FRY: variants seen among roughly 807,000 people sequenced by gnomAD.
FRY encodes the protein FRY microtubule binding protein.
Under a neutral mutation model 348.4 loss-of-function variants are expected in FRY, and 128 were observed. That is an observed-to-expected ratio of 0.37 (90% CI 0.32 to 0.43). The LOEUF is 0.43. Ranked by LOEUF, FRY falls within the 20% of genes least tolerant of loss-of-function variation. The pLI is 1.00. For missense variants in FRY, 2,736 were observed against 3,695.2 expected, an observed-to-expected ratio of 0.74 and a Z score of 6.73; for synonymous variants, 1,370 against 1,374.7, an observed-to-expected ratio of 1.00 and a Z score of 0.08.
intron 41 of FRY, among the ~76,000 whole-genome samples, chr13:32,231,849 G>T (rs1885933426): frequency 6.6e-6 from 1 of 152,172 alleles, no homozygotes; most frequent in Non-Finnish European, 1.5e-5. Flanking sequence ...GGGCTGATTT[G>T]TGTGTGAAAC....
chr13:32,091,149 G>T (rs1294972074), intron 2 of FRY, among the ~76,000 whole-genome samples: 1 of 152,098 alleles, frequency 6.6e-6, no homozygotes, highest in Non-Finnish European at 1.5e-5. Flanking sequence ...GGAATAAAAG[G>T]GGAGAAGTTT....
At chr13:32,091,649 A>G (rs1334781064) in intron 2 of FRY, among the ~76,000 whole-genome samples, 1 of 152,226 alleles carries the variant, frequency 6.6e-6, no homozygotes, top group African/African-American at 2.4e-5. Flanking sequence ...ACATGGGGTG[A>G]GGAAGCTCAC....
intron 20 of FRY, among the ~76,000 whole-genome samples, chr13:32,177,727 A>T (rs899280979): frequency 2.2e-4 from 33 of 152,218 alleles, no homozygotes; most frequent in African/African-American, 7.2e-4. Context: ...TTTCAGTGTA[A>T]GGAAAGATAG....
rs2138624396 is a variant in FRY at position 32,282,684 on chromosome 13, A to C, written c.8469+4136A>C. Among the ~76,000 whole-genome samples, 3 of 152,324 alleles carry C rather than the reference A, an allele frequency of 2.0e-5. No individual in the cohort carries two copies. The South Asian group carries it at 6.2e-4, about 32-fold the overall frequency. On this transcript the variant is annotated intron_variant, in intron 58 of 60. Coordinates refer to ENST00000542859, the MANE Select transcript of FRY (RefSeq NM_023037.3). ...AATATATATCTTTGTTGGGTGCTGA[A>C]TATTTATTTTTCTAGTTTTTCTTCT...
At chr13:32,161,105 C>A (rs373382353) in intron 16 of FRY, 39 bp from the exon 17 acceptor site, 27 of 1,277,262 alleles carry the variant, frequency 2.1e-5, no homozygotes, top group Middle Eastern at 1.8e-4. Context: ...ATTTTCACAG[C>A]TTTTTGACCT....
intron 51 of FRY, among the ~76,000 whole-genome samples, chr13:32,256,963 T>C (rs1367808921): frequency 1.3e-5 from 2 of 152,204 alleles, no homozygotes; most frequent in African/African-American, 4.8e-5. Context: ...GTCAAAACTT[T>C]GTTTCATGCA....
At chr13:32,267,405 A>G in intron 55 of FRY, 46 bp downstream of exon 55, 1 of 1,534,608 alleles carries the variant, frequency 6.5e-7, no homozygotes, top group African/African-American at 1.4e-5. Flanking sequence ...TTCTAAGGGG[A>G]GCCGGGTAAC....
intron 59 of FRY, among the ~76,000 whole-genome samples, chr13:32,291,483 G>T (rs190731159): frequency 6.7e-6 from 1 of 149,084 alleles, no homozygotes; most frequent in South Asian, 2.1e-4. Context: ...TCAGCTTACC[G>T]CAACCTCCGC....
Position 32,228,446 on chromosome 13 carries a change from C to T in FRY, c.5207-10C>T, listed in dbSNP as rs1168555315. ...TAGTACATCCCTCCTTGACCTTCTT[C>T]TCCCACCAGGTGGCTTTGACTTCCT... On this transcript the variant is annotated splice_polypyrimidine_tract_variant and intron_variant, in intron 39 of 60. Transcript: ENST00000542859. The T allele has an allele frequency of 1.2e-6, 2 of 1,609,248 alleles. No homozygotes were observed. Among genetic ancestry groups the T allele is most frequent in the South Asian group, 2.2e-5 (2 of 90,926 alleles).
chr13:32,124,586 C>T lies in FRY; in HGVS notation c.556-16C>T, dbSNP rs767502745. ...TAATATTCCCTTCTGAGTTAAGAAC[C>T]ACCTTTTTTTTTCAGATTCCACTTC... is the stretch of plus-strand genomic sequence containing the variant. On this transcript the variant is annotated splice_polypyrimidine_tract_variant and intron_variant, in intron 5 of 60. Coordinates refer to ENST00000542859, the MANE Select transcript of FRY (RefSeq NM_023037.3). 6.6e-7 allele frequency: 1 copy of T among 1,506,012 alleles called. No homozygotes were observed. Among genetic ancestry groups the T allele is most frequent in the Admixed American group, 1.7e-5 (1 of 59,848 alleles). The allele number at this position is 1,506,012 out of a possible 1,614,324, so 93.3% of individuals were successfully genotyped here. A position where few individuals can be genotyped will look rare whatever the true frequency, so the allele number is the denominator to read the frequency against.
chr13:32,069,642 A>G (rs1353445488), intron 1 of FRY, among the ~76,000 whole-genome samples: 1 of 152,220 alleles, frequency 6.6e-6, no homozygotes, highest in Non-Finnish European at 1.5e-5. Flanking sequence ...ATGCAACAAC[A>G]CAGATGAACT....
intron 1 of FRY, among the ~76,000 whole-genome samples, chr13:32,043,930 C>T (rs74044323): frequency 6.7e-6 from 1 of 150,312 alleles, no homozygotes; most frequent in Non-Finnish European, 1.5e-5. Flanking sequence ...CACAGTGGCT[C>T]ACACCTGTAA....
intron 36 of FRY, among the ~76,000 whole-genome samples, chr13:32,223,906 T>C (rs1298428996): frequency 6.6e-6 from 1 of 151,990 alleles, no homozygotes; most frequent in Non-Finnish European, 1.5e-5. Context: ...TTTGTGTGTG[T>C]GTGTATTTTT....
intron 1 of FRY, among the ~76,000 whole-genome samples, chr13:32,033,777 T>C (rs1373554233): frequency 6.6e-6 from 1 of 152,228 alleles, no homozygotes. Context: ...CTTTCCAGCA[T>C]TCTTTTGAGG....
chr13:32,285,073 C>T (rs9590882), intron 58 of FRY, among the ~76,000 whole-genome samples: 5,691 of 152,118 alleles, frequency 0.037, 281 homozygotes, highest in African/African-American at 0.12. Flanking sequence ...ATAAATCAAG[C>T]CATATCAGGA....
At chr13:32,140,465 G>A (rs1034614012) in intron 11 of FRY, among the ~76,000 whole-genome samples, 1 of 152,112 alleles carries the variant, frequency 6.6e-6, no homozygotes, top group Non-Finnish European at 1.5e-5. Context: ...TTCTTTATAA[G>A]TAGTCTACCA....
intron 29 of FRY, among the ~76,000 whole-genome samples, 182 bp from the exon 30 acceptor site, chr13:32,201,759 T>C (rs1884042793): frequency 6.6e-6 from 1 of 152,208 alleles, no homozygotes; most frequent in Non-Finnish European, 1.5e-5. Flanking sequence ...CAAAATAAAG[T>C]CATTTTCCTT....
Position 32,276,490 on chromosome 13 carries a change from G to A in FRY, c.8313G>A (p.Lys2771=). The change falls in exon 57 of 61, where the codon AAG becomes AAA. Residue 2771 remains lysine (K), a synonymous_variant. Coordinates refer to ENST00000542859, the MANE Select transcript of FRY (RefSeq NM_023037.3). ...ETLLSCGLLD[K]LKFSVLELQE... is the part of the protein sequence containing the mutation. ...TCCTTTCATGTGGACTTCTGGACAAGCTCAAGTTCAGTGTGTTAGAACTGC... is the reference window on the plus strand; with the variant it reads ...TCCTTTCATGTGGACTTCTGGACAAACTCAAGTTCAGTGTGTTAGAACTGC... 1 of 1,602,356 alleles carries A rather than the reference G, an allele frequency of 6.2e-7. No individual in the cohort carries two copies. The highest frequency in any genetic ancestry group is 1.3e-5 in the African/African-American group (1 of 74,788).
intron 1 of FRY, among the ~76,000 whole-genome samples, chr13:32,062,531 T>C (rs1874004122): frequency 6.6e-6 from 1 of 152,206 alleles, no homozygotes; most frequent in South Asian, 2.1e-4. Context: ...AATTGGTAGA[T>C]TTATTACCAT....
Sources: gnomAD v4.1 joint callset for allele counts (sites outside exome capture counted in the v4.1 genomes callset) on GRCh38, gnomAD v4.1.1 for gene constraint, MANE v1.5 for transcripts, NCBI Gene and HGNC (gene_info 2026-07-23, HGNC 2026-07-21) for gene names.